The following AGMO variants were observed in gnomAD, a reference collection of about 807,000 sequenced individuals.
The protein encoded by AGMO is alkylglycerol monooxygenase, also known as glyceryl-ether monooxygenase.
A neutral mutation model predicts 60.2 loss-of-function variants in AGMO; 75 were observed. The observed-to-expected ratio is 1.25, with a 90% confidence interval of 1.03 to 1.51. The LOEUF is 1.51. AGMO is among the 40% of genes most tolerant of loss of function. The probability of loss-of-function intolerance (pLI) is 0.00; values close to 1 mark genes in which losing one functional copy is unlikely to be tolerated. For synonymous variants in AGMO, 261 were observed against 177.1 expected, an observed-to-expected ratio of 1.47 and a Z score of -3.76; for missense variants, 763 against 525.5, an observed-to-expected ratio of 1.45 and a Z score of -4.42.
chr7:15,133,928 C>T, the AGMO span, among the ~76,000 whole-genome samples: 23 of 152,258 alleles, frequency 1.5e-4, no homozygotes, highest in African/African-American at 3.8e-4. Flanking sequence ...CCCAAATATA[C>T]TGTTTCTGAC....
chr7:15,234,858 C>T (rs1057140542), intron 12 of AGMO, among the ~76,000 whole-genome samples: 1 of 152,082 alleles, frequency 6.6e-6, no homozygotes, highest in Admixed American at 6.6e-5. Context: ...AAAAAGTGTT[C>T]TTGGCTTGTG....
intron 3 of AGMO, among the ~76,000 whole-genome samples, chr7:15,466,100 C>A (rs1015490234): frequency 3.3e-5 from 5 of 151,994 alleles, no homozygotes; most frequent in African/African-American, 1.2e-4. Context: ...TTTCTGAAGC[C>A]TACTCTCTAG....
chr7:15,352,230 A>C (rs1194927315), intron 12 of AGMO, among the ~76,000 whole-genome samples: 1 of 152,186 alleles, frequency 6.6e-6, no homozygotes, highest in Non-Finnish European at 1.5e-5. Context: ...ATACAATCCA[A>C]ATTTAACTTC....
At chr7:15,221,501 C>CTATA (rs1413397661) in intron 12 of AGMO, among the ~76,000 whole-genome samples, 7 of 152,040 alleles carry the variant, frequency 4.6e-5, no homozygotes, top group Non-Finnish European at 7.4e-5. Flanking sequence ...ATAGTGGTGA[C>CTATA]TATAGACGTA....
chr7:15,334,661 G>A (rs1000717388), intron 12 of AGMO, among the ~76,000 whole-genome samples: 6 of 152,166 alleles, frequency 3.9e-5, no homozygotes, highest in African/African-American at 9.6e-5. Flanking sequence ...CTTCACTTGC[G>A]GATATCCCGC....
chr7:15,352,524 G>C (rs899041262), intron 12 of AGMO, among the ~76,000 whole-genome samples: 7 of 151,698 alleles, frequency 4.6e-5, no homozygotes. Context: ...TGGGCGTTTG[G>C]GTGTTCAGGG....
intron 3 of AGMO, among the ~76,000 whole-genome samples, chr7:15,475,251 T>C (rs1194858647): frequency 6.6e-6 from 1 of 152,094 alleles, no homozygotes; most frequent in Non-Finnish European, 1.5e-5. Context: ...ACATATGTTA[T>C]TGCAGTACTA....
intron 3 of AGMO, among the ~76,000 whole-genome samples, chr7:15,517,266 A>G (rs2128533489): frequency 6.6e-6 from 1 of 152,052 alleles, no homozygotes; most frequent in Admixed American, 6.6e-5. Flanking sequence ...AAAAGATAAC[A>G]AAATGGAAAA....
Position 15,544,892 on chromosome 7 carries a change from A to T in AGMO, c.289T>A (p.Tyr97Asn). Reference protein sequence around the residue: ...LFFRSIELTSYIYIWENYRLF... With the variant: ...LFFRSIELTSNIYIWENYRLF... ...CTGTAGTTCTCCCAGATATAAATAT[A>T]ACTGGTCAGTTCAATGCTCCTGAAA... Residue 97 changes from tyrosine (Y) to asparagine (N), a missense_variant, in exon 3 of 13, where the codon TAT becomes AAT. Tyr to Asn is a moderately radical substitution (Grantham distance 143, BLOSUM62 -2). Transcript: ENST00000342526. 3 of 1,591,752 alleles carry T rather than the reference A, an allele frequency of 1.9e-6. No homozygotes were observed. Among genetic ancestry groups the T allele is most frequent in the Non-Finnish European group, 2.6e-6 (3 of 1,167,880 alleles).
intron 12 of AGMO, among the ~76,000 whole-genome samples, chr7:15,288,864 A>AT (rs1335272429): frequency 3.8e-4 from 57 of 149,442 alleles, no homozygotes; most frequent in South Asian, 2.1e-3. Context: ...AAAAAAAAAA[A>AT]ATATATATAC....
At chr7:15,355,657 G>A (rs574691993) in intron 12 of AGMO, among the ~76,000 whole-genome samples, 8 of 152,160 alleles carry the variant, frequency 5.3e-5, no homozygotes, top group African/African-American at 1.9e-4. Flanking sequence ...ATTGTAGCTG[G>A]ATATATCAGC....
intron 10 of AGMO, among the ~76,000 whole-genome samples, chr7:15,367,282 TAACAA>T (rs936863824): frequency 4.0e-5 from 6 of 151,896 alleles, no homozygotes; most frequent in African/African-American, 9.7e-5. Context: ...TGAATCATTG[TAACAA>T]AACATTTTTG....
At chr7:15,469,126 T>C (rs944497794) in intron 3 of AGMO, among the ~76,000 whole-genome samples, 1 of 152,126 alleles carries the variant, frequency 6.6e-6, no homozygotes, top group Non-Finnish European at 1.5e-5. Flanking sequence ...TGGTTTGTGT[T>C]GATAAGTTAC....
the AGMO span, among the ~76,000 whole-genome samples, chr7:15,180,641 C>A: frequency 1.3e-5 from 2 of 152,132 alleles, no homozygotes; most frequent in South Asian, 2.1e-4. Flanking sequence ...TCATTCACAG[C>A]AATCTAGGCC....
intron 12 of AGMO, among the ~76,000 whole-genome samples, chr7:15,324,514 G>C (rs565921483): frequency 6.6e-6 from 1 of 151,496 alleles, no homozygotes; most frequent in Non-Finnish European, 1.5e-5. Flanking sequence ...TTTTTCTCTG[G>C]CTTCAGACCC....
chr7:15,355,178 A>C (rs1562452808), intron 12 of AGMO, among the ~76,000 whole-genome samples: 1 of 152,086 alleles, frequency 6.6e-6, no homozygotes, highest in African/African-American at 2.4e-5. Context: ...TCATCTGTGC[A>C]CTTAAAATTA....
At chr7:15,367,874 A>G (rs1480226943) in intron 10 of AGMO, among the ~76,000 whole-genome samples, 4 of 152,206 alleles carry the variant, frequency 2.6e-5, no homozygotes, top group East Asian at 1.9e-4. Context: ...AAGGAATTTC[A>G]CCTATTAGCT....
chr7:15,514,695 T>A (rs776380733), intron 3 of AGMO, among the ~76,000 whole-genome samples: 8 of 152,242 alleles, frequency 5.3e-5, no homozygotes, highest in Admixed American at 2.0e-4. Flanking sequence ...AACTACTTAA[T>A]GTCATCAAGA....
intron 12 of AGMO, among the ~76,000 whole-genome samples, chr7:15,338,284 G>A (rs1781726431): frequency 6.6e-6 from 1 of 151,964 alleles, no homozygotes; most frequent in Non-Finnish European, 1.5e-5. Context: ...TTCATCACCT[G>A]GAGAAGAAAA....
Sources: gnomAD v4.1 joint callset for allele counts (sites outside exome capture counted in the v4.1 genomes callset) on GRCh38, gnomAD v4.1.1 for gene constraint, MANE v1.5 for transcripts, NCBI Gene and HGNC (gene_info 2026-07-23, HGNC 2026-07-21) for gene names.